Variants in CMTM8 observed in about 807,000 individuals in gnomAD.
CMTM8 encodes CKLF-like MARVEL transmembrane domain-containing protein 8.
Under a neutral mutation model 18.6 loss-of-function variants are expected in CMTM8, and 12 were observed. That is an observed-to-expected ratio of 0.65 (90% CI 0.41 to 1.05). The LOEUF is 1.05. CMTM8 is among the 50% of genes least tolerant of loss of function. CMTM8 has a pLI of 0.00. For missense variants in CMTM8, 217 were observed against 227.2 expected, an observed-to-expected ratio of 0.95 and a Z score of 0.29; for synonymous variants, 87 against 90.6, an observed-to-expected ratio of 0.96 and a Z score of 0.23.
At chr3:32,368,046 G>A (rs888152926) in intron 3 of CMTM8, 58 bp downstream of exon 3, 66 of 1,200,468 alleles carry the variant, frequency 5.5e-5, no homozygotes, top group Non-Finnish European at 7.3e-5. Flanking sequence ...GCTTGCTTGG[G>A]ATTGGGGAAG....
chr3:32,324,393 G>T (rs1227142371), intron 1 of CMTM8, among the ~76,000 whole-genome samples: 4 of 152,180 alleles, frequency 2.6e-5, no homozygotes, highest in Non-Finnish European at 5.9e-5. Flanking sequence ...TTCCAAAAGA[G>T]AATGCAGACT....
At chr3:32,331,744 C>G (rs1696278092) in intron 1 of CMTM8, among the ~76,000 whole-genome samples, 1 of 152,124 alleles carries the variant, frequency 6.6e-6, no homozygotes, top group South Asian at 2.1e-4. Context: ...CATGGATAAA[C>G]CTTGAGGACA....
At chr3:32,258,710 T>A (rs1702208664) in intron 1 of CMTM8, among the ~76,000 whole-genome samples, 1 of 151,984 alleles carries the variant, frequency 6.6e-6, no homozygotes, top group Admixed American at 6.6e-5. Context: ...GGGGTCTCAG[T>A]TTGGTGCCCA....
intron 1 of CMTM8, among the ~76,000 whole-genome samples, chr3:32,309,481 T>A (rs147025325): frequency 0.038 from 5,765 of 151,874 alleles, 375 homozygotes; most frequent in African/African-American, 0.13. Context: ...CTAATTTTTG[T>A]ATTTTTAGTA....
chr3:32,259,316 G>T, intron 1 of CMTM8: 1 of 715,442 alleles, frequency 1.4e-6, no homozygotes, highest in Non-Finnish European at 2.6e-6. Context: ...TCAGAGACTG[G>T]GCCATTACTT....
intron 1 of CMTM8, among the ~76,000 whole-genome samples, chr3:32,267,895 G>C (rs1248026677): frequency 6.6e-6 from 1 of 152,168 alleles, no homozygotes; most frequent in Non-Finnish European, 1.5e-5. Flanking sequence ...ACCATAATGA[G>C]ATACCATCTC....
intron 1 of CMTM8, among the ~76,000 whole-genome samples, chr3:32,253,373 T>G (rs1332745300): frequency 1.3e-5 from 2 of 148,674 alleles, no homozygotes; most frequent in Non-Finnish European, 1.5e-5. Context: ...AGACAAAGTC[T>G]TACTCTGTCA....
intron 1 of CMTM8, among the ~76,000 whole-genome samples, chr3:32,247,065 C>T (rs1186524116): frequency 3.3e-5 from 5 of 152,148 alleles, no homozygotes. Flanking sequence ...TGCACCGCTG[C>T]ACTCTAACCT....
At chr3:32,367,814 T>C (rs1428546856) in intron 2 of CMTM8, 58 bp from the exon 3 acceptor site, 2 of 1,180,682 alleles carry the variant, frequency 1.7e-6, no homozygotes, top group African/African-American at 3.0e-5. Context: ...ACTTCTGAAG[T>C]CCAGAGGTAT....
chr3:32,291,480 T>A (rs1433982829), intron 1 of CMTM8, among the ~76,000 whole-genome samples: 1 of 152,186 alleles, frequency 6.6e-6, no homozygotes, highest in Non-Finnish European at 1.5e-5. Flanking sequence ...GACAAGTCAT[T>A]AGGCACTTAC....
At chr3:32,334,430 C>T (rs1037894514) in intron 1 of CMTM8, among the ~76,000 whole-genome samples, 3 of 151,902 alleles carry the variant, frequency 2.0e-5, no homozygotes, top group Non-Finnish European at 4.4e-5. Context: ...CATGGTGAAA[C>T]CCCGTCTCTA....
intron 1 of CMTM8, among the ~76,000 whole-genome samples, chr3:32,296,214 C>T (rs949048504): frequency 6.6e-5 from 10 of 152,030 alleles, no homozygotes; most frequent in African/African-American, 2.4e-4. Flanking sequence ...CTCAAGTGAT[C>T]CTCCCACCTC....
chr3:32,315,228 C>G (rs1695900575), intron 1 of CMTM8, among the ~76,000 whole-genome samples: 1 of 151,688 alleles, frequency 6.6e-6, no homozygotes, highest in Non-Finnish European at 1.5e-5. Context: ...CTCCCAGGTT[C>G]AAGTGATTCT....
chr3:32,311,706 G>A (rs577376699), intron 1 of CMTM8, among the ~76,000 whole-genome samples: 27 of 152,152 alleles, frequency 1.8e-4, no homozygotes, highest in African/African-American at 6.3e-4. Context: ...CACACCAACC[G>A]ATTCTCCACC....
intron 1 of CMTM8, among the ~76,000 whole-genome samples, chr3:32,318,787 T>G (rs921535505): frequency 6.6e-6 from 1 of 151,006 alleles, no homozygotes; most frequent in Non-Finnish European, 1.5e-5. Flanking sequence ...CAGGATGGTC[T>G]CGATCTCCTG....
chr3:32,274,518 C>T (rs1273637067), intron 1 of CMTM8, among the ~76,000 whole-genome samples: 44 of 152,154 alleles, frequency 2.9e-4, no homozygotes, highest in Admixed American at 2.9e-3. Context: ...CTTCCTCCTT[C>T]CTGTCTGTCT....
intron 1 of CMTM8, among the ~76,000 whole-genome samples, chr3:32,290,401 A>G (rs1041926248): frequency 6.6e-6 from 1 of 152,242 alleles, no homozygotes; most frequent in African/African-American, 2.4e-5. Flanking sequence ...TCAGTATTGT[A>G]AGATGTCAGT....
chr3:32,276,894 T>A (rs543344782), intron 1 of CMTM8, among the ~76,000 whole-genome samples: 15 of 127,804 alleles, frequency 1.2e-4, no homozygotes, highest in South Asian at 9.7e-4. Flanking sequence ...TCCTGAGAAA[T>A]TTTTTTTTTT....
At chr3:32,330,698 T>A (rs1696259167) in intron 1 of CMTM8, among the ~76,000 whole-genome samples, 1 of 152,128 alleles carries the variant, frequency 6.6e-6, no homozygotes, top group Non-Finnish European at 1.5e-5. Flanking sequence ...CCAAATGGTC[T>A]ATGGAAAAAT....
Sources: allele counts gnomAD v4.1 joint callset (sites outside exome capture counted in the v4.1 genomes callset), GRCh38; gene constraint gnomAD v4.1.1; transcripts MANE v1.5; gene names NCBI Gene and HGNC (gene_info 2026-07-23, HGNC 2026-07-21).